MBD5: variants seen among roughly 807,000 people sequenced by gnomAD.
MBD5 encodes methyl-CpG binding domain protein 5.
MBD5 carries 13 observed loss-of-function variants against 117.3 expected under a neutral mutation model. That is an observed-to-expected ratio of 0.11 (90% confidence interval 0.07 to 0.18). The LOEUF (loss-of-function observed/expected upper bound fraction) is 0.18, where lower values mean the gene tolerates loss of function less well. Among genes scored for constraint, MBD5 ranks in the 10% least tolerant of loss-of-function variants. The pLI, the probability that MBD5 is intolerant of heterozygous loss-of-function variation, is 1.00. For missense variants in MBD5, 1,879 were observed against 2,093.8 expected (o/e 0.90, Z 2.00); for synonymous variants, 727 against 766.4 (o/e 0.95, Z 0.85).
chr2:148,462,241 T>C (rs1707111706), intron 5 of MBD5, among the ~76,000 whole-genome samples: 1 of 152,218 alleles, frequency 6.6e-6, no homozygotes, highest in South Asian at 2.1e-4. Context: ...GAGTCATTGC[T>C]TTTATGTAGT....
intron 1 of MBD5, among the ~76,000 whole-genome samples, chr2:148,108,935 C>A (rs1435770180): frequency 1.3e-5 from 2 of 151,928 alleles, no homozygotes; most frequent in Non-Finnish European, 2.9e-5. Context: ...ACTGGTAATA[C>A]CAAAACAATA....
intron 2 of MBD5, among the ~76,000 whole-genome samples, chr2:148,232,795 T>C (rs1700020711): frequency 6.6e-6 from 1 of 152,150 alleles, no homozygotes; most frequent in East Asian, 1.9e-4. Context: ...TATGAATTGA[T>C]AATCTAAATA....
At chr2:148,375,215 A>T (rs189973863) in intron 4 of MBD5, among the ~76,000 whole-genome samples, 166 of 152,280 alleles carry the variant, frequency 1.1e-3, no homozygotes, top group African/African-American at 3.3e-3. Context: ...TAGGAAAGAA[A>T]TTTTTTTACA....
chr2:148,048,793 A>G (rs1440683545), intron 1 of MBD5, among the ~76,000 whole-genome samples: 1 of 152,170 alleles, frequency 6.6e-6, no homozygotes, highest in Admixed American at 6.5e-5. Context: ...AAAGTCCCCC[A>G]GAAGGCCTAA....
At chr2:148,087,747 C>T (rs1695832523) in intron 1 of MBD5, among the ~76,000 whole-genome samples, 1 of 152,154 alleles carries the variant, frequency 6.6e-6, no homozygotes, top group Admixed American at 6.5e-5. Context: ...TTTCCACTAC[C>T]ATAGTCTACC....
intron 2 of MBD5, among the ~76,000 whole-genome samples, chr2:148,183,151 G>A (rs1172628354): frequency 6.6e-6 from 1 of 152,138 alleles, no homozygotes; most frequent in Non-Finnish European, 1.5e-5. Context: ...GTTCAGGAAA[G>A]TAAGTGTTGC....
chr2:148,108,748 T>G (rs1696435659), intron 1 of MBD5, among the ~76,000 whole-genome samples: 1 of 152,168 alleles, frequency 6.6e-6, no homozygotes, highest in African/African-American at 2.4e-5. Flanking sequence ...TTTAATTGTT[T>G]TAAGTGGTAC....
At chr2:148,407,173 A>G (rs1705104963) in intron 4 of MBD5, among the ~76,000 whole-genome samples, 1 of 152,212 alleles carries the variant, frequency 6.6e-6, no homozygotes, top group South Asian at 2.1e-4. Flanking sequence ...ACTCTTATGA[A>G]TCTATTTTCG....
intron 4 of MBD5, among the ~76,000 whole-genome samples, chr2:148,358,280 A>G (rs1297664052): frequency 6.6e-6 from 1 of 152,160 alleles, no homozygotes; most frequent in Non-Finnish European, 1.5e-5. Flanking sequence ...AGCAGCATAA[A>G]CTAGCAGATG....
chr2:148,478,347 G>A (rs999906098), intron 8 of MBD5, among the ~76,000 whole-genome samples: 5 of 152,198 alleles, frequency 3.3e-5, no homozygotes, highest in Non-Finnish European at 7.3e-5. Flanking sequence ...CACTTTGGGA[G>A]GCTGAGGCAG....
chr2:148,246,950 C>A (rs745448105), intron 3 of MBD5, among the ~76,000 whole-genome samples: 26 of 151,746 alleles, frequency 1.7e-4, no homozygotes, highest in Non-Finnish European at 3.5e-4. Flanking sequence ...CTTTGTTATC[C>A]CATCCTTGAA....
intron 1 of MBD5, among the ~76,000 whole-genome samples, chr2:148,144,863 G>C (rs927254879): frequency 6.6e-6 from 1 of 152,186 alleles, no homozygotes; most frequent in Non-Finnish European, 1.5e-5. Flanking sequence ...TTGTAGTATA[G>C]TTTGAAGCCA....
intron 3 of MBD5, among the ~76,000 whole-genome samples, chr2:148,251,005 GT>G (rs1261801502): frequency 6.6e-6 from 1 of 151,956 alleles, no homozygotes; most frequent in Non-Finnish European, 1.5e-5. Context: ...TTTTAATGTG[GT>G]TTTTGTTTTT....
intron 4 of MBD5, among the ~76,000 whole-genome samples, chr2:148,387,918 C>T (rs992628405): frequency 6.6e-6 from 1 of 152,120 alleles, no homozygotes; most frequent in African/African-American, 2.4e-5. Context: ...TGTCAGTTCT[C>T]TCCAAATTGA....
chr2:148,407,071 G>T (rs1033174333), intron 4 of MBD5, among the ~76,000 whole-genome samples: 1 of 152,176 alleles, frequency 6.6e-6, no homozygotes, highest in Non-Finnish European at 1.5e-5. Context: ...CTAGCATTAT[G>T]TCTGATACAT....
intron 3 of MBD5, among the ~76,000 whole-genome samples, chr2:148,269,841 C>G (rs911199418): frequency 1.3e-5 from 2 of 151,598 alleles, no homozygotes; most frequent in African/African-American, 4.8e-5. Flanking sequence ...GAATGTCAAC[C>G]CTTTAGAATC....
intron 1 of MBD5, chr2:148,072,102 G>A (rs1009666581): frequency 6.6e-6 from 1 of 152,088 alleles, no homozygotes; most frequent in Non-Finnish European, 1.5e-5. Context: ...TTCACCTAGA[G>A]AATTCAGTAT....
At chr2:148,270,239 A>C (rs923202203) in intron 3 of MBD5, among the ~76,000 whole-genome samples, 1 of 152,142 alleles carries the variant, frequency 6.6e-6, no homozygotes, top group Non-Finnish European at 1.5e-5. Flanking sequence ...TGTCTTGAAT[A>C]AGGTATGCAT....
At chr2:148,233,728 C>T (rs1207453522) in intron 3 of MBD5, among the ~76,000 whole-genome samples, 1 of 152,020 alleles carries the variant, frequency 6.6e-6, no homozygotes, top group Non-Finnish European at 1.5e-5. Flanking sequence ...ACATATATAA[C>T]TGTAAATACT....
Sources: gnomAD v4.1 joint callset for allele counts (sites outside exome capture counted in the v4.1 genomes callset) on GRCh38, gnomAD v4.1.1 for gene constraint, MANE v1.5 for transcripts, NCBI Gene and HGNC (gene_info 2026-07-23, HGNC 2026-07-21) for gene names.